Variants in PXYLP1 observed in about 807,000 individuals in gnomAD.
PXYLP1 encodes the protein 2-phosphoxylose phosphatase 1, also known as acid phosphatase-like 2.
Under a neutral mutation model 37.9 loss-of-function variants are expected in PXYLP1, and 17 were observed. The observed-to-expected ratio is 0.45, with a 90% CI of 0.31 to 0.67. PXYLP1 has a LOEUF of 0.67. Ranked by LOEUF, PXYLP1 falls within the 30% of genes least tolerant of loss-of-function variation. PXYLP1 has a pLI of 0.07. For synonymous variants in PXYLP1, 221 were observed against 232.2 expected (o/e 0.95, Z 0.44); for missense variants, 511 against 612.0 (o/e 0.84, Z 1.74).
Position 141,256,590 on chromosome 3 carries a change from C to T in PXYLP1, c.-53-3533C>T, listed in dbSNP as rs976407945. 2.6e-5 allele frequency among the ~76,000 whole-genome samples: 4 copies of T among 152,264 alleles called. No homozygotes were observed. In the Middle Eastern group the frequency reaches 9.5e-3, roughly 361 times the overall value. ...CCCCTACTCCTTGGGGTCCTAGCTTCAGCTGCAAACTTCTTCAAATCCATG... is the reference window on the plus strand; with the variant it reads ...CCCCTACTCCTTGGGGTCCTAGCTTTAGCTGCAAACTTCTTCAAATCCATG... On this transcript the variant is annotated intron_variant, in intron 1 of 5. Coordinates refer to ENST00000286353, the MANE Select transcript of PXYLP1 (RefSeq NM_001037172.3).
chr3:141,278,319 CA>C (rs761462944), intron 2 of PXYLP1, 22 bp from the exon 3 acceptor site: 8 of 1,613,760 alleles, frequency 5.0e-6, no homozygotes, highest in Non-Finnish European at 6.8e-6. Flanking sequence ...CTGTGCGTCA[CA>C]ACCTGCCTTA....
chr3:141,262,800 G>A, intron 2 of PXYLP1: 1 of 1,108,422 alleles, frequency 9.0e-7, no homozygotes. Context: ...TGCTTTATTG[G>A]TTGCTTATTA....
At chr3:141,234,019 C>G (rs544687246) in intron 1 of PXYLP1, among the ~76,000 whole-genome samples, 3 of 152,230 alleles carry the variant, frequency 2.0e-5, no homozygotes, top group Admixed American at 2.0e-4. Context: ...CCTGGTCCCC[C>G]CTGTCTACCA....
intron 2 of PXYLP1, among the ~76,000 whole-genome samples, chr3:141,272,143 G>A (rs768471386): frequency 6.6e-6 from 1 of 152,172 alleles, no homozygotes; most frequent in Admixed American, 6.5e-5. Context: ...AGGGAGGTTG[G>A]CTTGACACCC....
At chr3:141,274,708 G>C in intron 2 of PXYLP1, 2 of 703,868 alleles carry the variant, frequency 2.8e-6, no homozygotes, top group Non-Finnish European at 5.2e-6. Context: ...GGATGTTTGG[G>C]ATGGCAGGGT....
At chr3:141,267,630 AC>A (rs1199548278) in intron 2 of PXYLP1, 11 of 149,152 alleles carry the variant, frequency 7.4e-5, no homozygotes, top group African/African-American at 2.7e-4. Context: ...AAAAAAAAAA[AC>A]ACCATAGATG....
At chr3:141,273,207 T>G (rs1941710952) in intron 2 of PXYLP1, 1 of 985,260 alleles carries the variant, frequency 1.0e-6, no homozygotes, top group Non-Finnish European at 1.2e-6. Flanking sequence ...TCCATTTTAT[T>G]CTCTGAAGAA....
chr3:141,275,655 T>C (rs1941774139), intron 2 of PXYLP1, among the ~76,000 whole-genome samples: 1 of 152,330 alleles, frequency 6.6e-6, no homozygotes, highest in South Asian at 2.1e-4. Flanking sequence ...GTGTTAGCCA[T>C]CCTAGCACCT....
chr3:141,253,964 C>T (rs898033571), intron 1 of PXYLP1, among the ~76,000 whole-genome samples: 8 of 151,540 alleles, frequency 5.3e-5, no homozygotes, highest in African/African-American at 1.7e-4. Flanking sequence ...CAGGCTGGAA[C>T]GCAGTGGCGC....
chr3:141,281,283 A>G (rs541243640), intron 4 of PXYLP1, among the ~76,000 whole-genome samples: 2 of 152,290 alleles, frequency 1.3e-5, no homozygotes, highest in East Asian at 3.9e-4. Flanking sequence ...AGCGTTCCCT[A>G]TGGAGTAAGC....
intron 4 of PXYLP1, among the ~76,000 whole-genome samples, chr3:141,281,020 A>G (rs9881459): frequency 6.6e-6 from 1 of 152,218 alleles, no homozygotes; most frequent in Non-Finnish European, 1.5e-5. Flanking sequence ...TAACCCTCAT[A>G]GTATTACATT....
At chr3:141,279,011 A>G (rs749625853) in intron 3 of PXYLP1, among the ~76,000 whole-genome samples, 5 of 152,238 alleles carry the variant, frequency 3.3e-5, no homozygotes, top group Admixed American at 6.5e-5. Context: ...TGGTCTCATG[A>G]AAGATTTAAA....
intron 1 of PXYLP1, chr3:141,232,268 C>T (rs1204954303): frequency 1.3e-5 from 2 of 152,546 alleles, no homozygotes; most frequent in East Asian, 3.9e-4. Context: ...GTCTCCAAGC[C>T]CTCGCCCCCC....
chr3:141,243,569 T>C (rs1411513471), intron 1 of PXYLP1, among the ~76,000 whole-genome samples: 1 of 152,246 alleles, frequency 6.6e-6, no homozygotes, highest in African/African-American at 2.4e-5. Flanking sequence ...CCCTGCCTTT[T>C]AGTTTAGCAC....
intron 1 of PXYLP1, among the ~76,000 whole-genome samples, chr3:141,251,426 C>A (rs958681850): frequency 1.3e-5 from 2 of 152,180 alleles, no homozygotes; most frequent in African/African-American, 4.8e-5. Flanking sequence ...TACGTCCAAT[C>A]ACGACTCATT....
chr3:141,255,026 C>G (rs1941234438), intron 1 of PXYLP1, among the ~76,000 whole-genome samples: 1 of 152,138 alleles, frequency 6.6e-6, no homozygotes, highest in African/African-American at 2.4e-5. Context: ...GGTGGTAGAA[C>G]GGTAGCTTGT....
chr3:141,244,672 C>T (rs1369459312), intron 1 of PXYLP1, among the ~76,000 whole-genome samples: 2 of 150,354 alleles, frequency 1.3e-5, no homozygotes, highest in Non-Finnish European at 3.0e-5. Flanking sequence ...CACACCTAAG[C>T]CCACTTCTTT....
chr3:141,274,823 G>A (rs57865508), intron 2 of PXYLP1, among the ~76,000 whole-genome samples: 23,069 of 152,152 alleles, frequency 0.15, 2,674 homozygotes, highest in African/African-American at 0.32. Flanking sequence ...GGGATTCAGG[G>A]CGGGCTTCCT....
intron 2 of PXYLP1, among the ~76,000 whole-genome samples, chr3:141,272,436 A>G (rs1941686473): frequency 1.3e-5 from 2 of 152,234 alleles, no homozygotes; most frequent in African/African-American, 4.8e-5. Flanking sequence ...AATCATCATT[A>G]GATGAAACAT....
Sources: allele counts gnomAD v4.1 joint callset (sites outside exome capture counted in the v4.1 genomes callset), GRCh38; gene constraint gnomAD v4.1.1; transcripts MANE v1.5; gene names NCBI Gene and HGNC (gene_info 2026-07-23, HGNC 2026-07-21).